The following KDM6B variants were observed in gnomAD, a reference collection of about 807,000 sequenced individuals.
KDM6B encodes lysine demethylase 6B.
KDM6B carries 22 observed loss-of-function variants against 150.4 expected under a neutral mutation model. That is an observed-to-expected ratio of 0.15 (90% CI 0.10 to 0.21). The LOEUF (loss-of-function observed/expected upper bound fraction) is 0.21. Among genes scored for constraint, KDM6B ranks in the 10% least tolerant of loss-of-function variants. The pLI is 1.00. For missense variants in KDM6B, 1,984 were observed against 2,234.3 expected, an observed-to-expected ratio of 0.89 and a Z score of 2.26; for synonymous variants, 1,148 against 921.1, an observed-to-expected ratio of 1.25 and a Z score of -4.46.
At chr17:7,842,116 C>T (rs1002223286) in intron 2 of KDM6B, among the ~76,000 whole-genome samples, 1 of 152,236 alleles carries the variant, frequency 6.6e-6, no homozygotes, top group Non-Finnish European at 1.5e-5. Context: ...TCTTACCACG[C>T]GTCCCGCGCG....
rs2078465050 is a variant in KDM6B, at chr17:7,843,684, G to T, written c.-268-1217G>T. 6.6e-6 allele frequency among the ~76,000 whole-genome samples: 1 copy of T among 151,890 alleles called. No individual in the cohort carries two copies. Among genetic ancestry groups the T allele is most frequent in the Non-Finnish European group, 1.5e-5 (1 of 67,928 alleles). ...GGCGCTCGCTCCAGCTGGAGCGCTG[G>T]CCCCGCCCCCGCGGCTTTGTACTCG... On this transcript the variant is annotated intron_variant, in intron 2 of 23. Coordinates refer to ENST00000448097, the MANE Select transcript of KDM6B (RefSeq NM_001348716.2). The surrounding 1 kb of genome is among the most constrained non-coding windows in gnomAD (Gnocchi z 4.5).
In KDM6B at chr17:7,848,435, A is replaced by G. The variant is rs2078611244; in HGVS notation, c.2147A>G (p.Glu716Gly). The G allele has an allele frequency of 3.7e-6, 6 of 1,612,784 alleles. No homozygotes were observed. Among genetic ancestry groups the G allele is most frequent in the Non-Finnish European group, 5.1e-6 (6 of 1,179,980 alleles). ...IRKEEEQQQH[E>G]AGVAPQPPLK... Reference sequence around the variant, plus strand: ...AAGGAAGAGGAACAGCAACAACACGAAGCAGGCGTGGCCCCCCAACCCCCG... The same window carrying G: ...AAGGAAGAGGAACAGCAACAACACGGAGCAGGCGTGGCCCCCCAACCCCCG... Residue 716 changes from glutamate (E) to glycine (G), a missense_variant, in exon 12 of 24, where the codon GAA (glutamate) becomes GGA (glycine). This residue lies in a region of KDM6B where 1,379 missense variants were observed against 1,275.6 expected (regional missense o/e 1.08). Transcript: ENST00000448097.
chr17:7,842,974 C>G (rs1195108454), intron 2 of KDM6B, among the ~76,000 whole-genome samples: 3 of 152,062 alleles, frequency 2.0e-5, no homozygotes, highest in Non-Finnish European at 4.4e-5. Flanking sequence ...GAAGTTTTGT[C>G]TTCAAGTGAG....
intron 1 of KDM6B, among the ~76,000 whole-genome samples, chr17:7,835,570 C>G (rs1183255601): frequency 6.6e-6 from 1 of 152,096 alleles, no homozygotes; most frequent in East Asian, 1.9e-4. Flanking sequence ...AGCCGGATTC[C>G]CGAACTCTCC....
intron 2 of KDM6B, among the ~76,000 whole-genome samples, chr17:7,840,905 G>A (rs192433987): frequency 4.9e-4 from 75 of 152,292 alleles, no homozygotes; most frequent in Non-Finnish European, 8.5e-4. Context: ...CATTGGGGAT[G>A]GTAACATGGG....
chr17:7,843,812 A>C lies in KDM6B; in HGVS notation c.-268-1089A>C, dbSNP rs935238924. ...CGGGGACGCCGGGTAGGCAAGGAGG[A>C]GGCGCGGGGACGCAGCTCCTGGGCT... On this transcript the variant is annotated intron_variant, in intron 2 of 23. Coordinates refer to ENST00000448097, the MANE Select transcript of KDM6B (RefSeq NM_001348716.2). This position sits in a 1 kb window ranked among gnomAD's most constrained non-coding sequence, Gnocchi z 4.5. Among the ~76,000 whole-genome samples the C allele has an allele frequency of 2.0e-5, 3 of 151,862 alleles. No individual in the cohort carries two copies. Among genetic ancestry groups the C allele is most frequent in the Non-Finnish European group, 4.4e-5 (3 of 67,974 alleles).
Position 7,847,118 on chromosome 17 carries a change from C to G in KDM6B, c.923C>G (p.Ser308Trp). 1.2e-6 allele frequency: 2 copies of G among 1,611,632 alleles called. No individual in the cohort carries two copies. Among genetic ancestry groups the G allele is most frequent in the Non-Finnish European group, 1.7e-6 (2 of 1,179,810 alleles). The part of the protein sequence containing the change: ...APPERQEQRH[S>W]LPHPYPYPAP... ...TATCTCCTATAGGAGCAGCGGCACT[C>G]GCTGCCTCACCCATATCCATACCCA... The change falls in exon 11 of 24, where the codon TCG becomes TGG. Residue 308 changes from serine to tryptophan, a missense_variant. Transcript: ENST00000448097.
Position 7,846,737 on chromosome 17 carries a change from A to C in KDM6B, c.708A>C (p.Glu236Asp). 6.2e-7 allele frequency: 1 copy of C among 1,614,040 alleles called. No homozygotes were observed. Among genetic ancestry groups the C allele is most frequent in the Non-Finnish European group, 8.5e-7 (1 of 1,179,966 alleles). ...AGCGAAGGAGAGGCTGCAACTCTGA[A>C]CAGGTGTGGGTATAGGGGGGCCAGC... The part of the protein sequence containing the change: ...GGKRRRGCNS[E>D]QTGLPPGLPL... Residue 236 changes from glutamate to aspartate, a missense_variant, in exon 9 of 24, where the codon GAA becomes GAC. By Grantham distance (45) the Glu-to-Asp change is conservative (BLOSUM62 2). This residue lies in a region of KDM6B where 337 missense variants were observed against 323.9 expected (regional missense o/e 1.04). Transcript: ENST00000448097.
chr17:7,853,370 C>T lies in KDM6B; in HGVS notation c.4898C>T (p.Ala1633Val). Residue 1633 changes from alanine (A) to valine (V), a missense_variant, in exon 23 of 24, where the codon GCC becomes GTC. Around this residue, in one of 13 missense-constraint regions of KDM6B, gnomAD observed 58 missense variants for 76.4 expected, o/e 0.76. Transcript: ENST00000448097. ...GAGGAGCTGGCTCAGGCCTACGACGCCTTCACGCTGGTGAGGGCCCGGCGG... is the reference window on the plus strand; with the variant it reads ...GAGGAGCTGGCTCAGGCCTACGACGTCTTCACGCTGGTGAGGGCCCGGCGG... The part of the protein sequence containing the change: ...RTEELAQAYD[A>V]FTLAPASTSR 1.3e-6 allele frequency: 2 copies of T among 1,552,142 alleles called. No homozygotes were observed. Among genetic ancestry groups the T allele is most frequent in the South Asian group, 1.2e-5 (1 of 85,090 alleles).
At position 7,849,753 on chromosome 17, in the gene KDM6B, T is replaced by G; in HGVS notation, c.3440+25T>G. On this transcript the variant is annotated intron_variant, in intron 12 of 23. Coordinates refer to ENST00000448097, the MANE Select transcript of KDM6B (RefSeq NM_001348716.2). Reference sequence around the variant, plus strand: ...GGTGAGTCGGCTGCCTGCTTGCTTGTCCCGGAGACAGGCTCCCTTCCCCCA... The same window carrying G: ...GGTGAGTCGGCTGCCTGCTTGCTTGGCCCGGAGACAGGCTCCCTTCCCCCA... 5 of 1,612,674 alleles carry G rather than the reference T, an allele frequency of 3.1e-6. No individual in the cohort carries two copies. The South Asian group carries it at 4.4e-5, about 14-fold the overall frequency.
In KDM6B at chr17:7,849,913, G is replaced by A. The variant is rs144775064; in HGVS notation, c.3533G>A (p.Arg1178Gln). 2.2e-5 allele frequency: 35 copies of A among 1,613,406 alleles called. No individual in the cohort carries two copies. Among genetic ancestry groups the A allele is most frequent in the African/African-American group, 8.0e-5 (6 of 74,902 alleles). ...ATCAACACTGAGGAGAAGCTGCCCC[G>A]GGAAAAACTCAACCCCCCTACACCC... Reference protein sequence around the residue: ...PKINTEEKLPREKLNPPTPSI... With the variant: ...PKINTEEKLPQEKLNPPTPSI... The change falls in exon 13 of 24, where the codon CGG becomes CAG. Residue 1178 changes from arginine to glutamine, a missense_variant. By Grantham distance (43) the Arg-to-Gln change is conservative (BLOSUM62 1). Transcript: ENST00000448097.
Position 7,851,363 on chromosome 17 carries a change from G to A in KDM6B, c.3913G>A (p.Glu1305Lys). Residue 1305 changes from glutamate to lysine, a missense_variant, in exon 16 of 24, where the codon GAG (glutamate) becomes AAG (lysine). Physicochemically the swap from Glu to Lys is moderately conservative, Grantham distance 56. This residue lies in a region of KDM6B where 41 missense variants were observed against 38.4 expected (regional missense o/e 1.07). Coordinates refer to ENST00000448097, the MANE Select transcript of KDM6B (RefSeq NM_001348716.2). ...EKESEDEESE[E>K]PDSTTGTPPS... ...GGAGAGTGAGGATGAGGAGTCAGAG[G>A]AGCCAGACAGCACCACTGGAACCCC... 1.2e-6 allele frequency: 2 copies of A among 1,614,160 alleles called. No individual in the cohort carries two copies. The highest frequency in any genetic ancestry group is 1.7e-6 in the Non-Finnish European group (2 of 1,180,022).
intron 15 of KDM6B, 43 bp downstream of exon 15, chr17:7,851,269 T>C: frequency 6.2e-7 from 1 of 1,613,496 alleles, no homozygotes; most frequent in South Asian, 1.1e-5. Flanking sequence ...GGGACGGGGC[T>C]GCGGTGGGAG....
Position 7,852,991 on chromosome 17 carries a change from G to A in KDM6B, c.4611-9G>A, listed in dbSNP as rs534448494. 1.6e-5 allele frequency: 26 copies of A among 1,613,674 alleles called. No individual in the cohort carries two copies. Among genetic ancestry groups the A allele is most frequent in the Admixed American group, 8.3e-5 (5 of 60,018 alleles). ...CCGGTGGTCTCAACACAACCCCACTGCTCCCCAGGTTCTGCCTGCTGCAGT... is the reference window on the plus strand; with the variant it reads ...CCGGTGGTCTCAACACAACCCCACTACTCCCCAGGTTCTGCCTGCTGCAGT... On this transcript the variant is annotated splice_polypyrimidine_tract_variant and intron_variant, in intron 21 of 23. Coordinates refer to ENST00000448097, the MANE Select transcript of KDM6B (RefSeq NM_001348716.2).
chr17:7,845,480 C>G (rs768323313), intron 4 of KDM6B, 24 bp downstream of exon 4: 1 of 1,590,642 alleles, frequency 6.3e-7, no homozygotes, highest in Admixed American at 1.7e-5. Context: ...TGGGGCCGAG[C>G]TGGCTGGATG....
At position 7,846,980 on chromosome 17, in the gene KDM6B, C is replaced by T. The variant is rs2078560988; in HGVS notation, c.873C>T (p.Gly291=). 1.9e-6 allele frequency: 3 copies of T among 1,613,298 alleles called. No individual in the cohort carries two copies. The highest frequency in any genetic ancestry group is 1.7e-6 in the Non-Finnish European group (2 of 1,179,926). Residue 291 remains glycine (G), a synonymous_variant, in exon 10 of 24, where the codon GGC becomes GGT. Transcript: ENST00000448097. The part of the protein sequence containing the change: ...LWSTLHGDAW[G]PERKGSAPPE... ...GTACCCTGCATGGAGATGCCTGGGG[C>T]CCAGAGCGCAAGGGTTCAGCACCCC...
Position 7,851,708 on chromosome 17 carries a change from G to T in KDM6B, c.4077G>T (p.Thr1359=). ...CCGCCTTCATGCGGGTAACATCCAC[G>T]GGCAACATGCTGAGCCACGTGGGCC... ...KLPAFMRVTS[T]GNMLSHVGHT... Residue 1359 remains threonine, a synonymous_variant, in exon 18 of 24, where the codon ACG becomes ACT. Coordinates refer to ENST00000448097, the MANE Select transcript of KDM6B (RefSeq NM_001348716.2). 1.3e-6 allele frequency: 2 copies of T among 1,564,636 alleles called. No individual in the cohort carries two copies. The highest frequency in any genetic ancestry group is 1.7e-6 in the Non-Finnish European group (2 of 1,155,182).
Position 7,845,032 on chromosome 17 carries a change from CTG to C in KDM6B, c.-149+13_-149+14del. 1.6e-5 allele frequency: 3 copies of C among 188,564 alleles called. No homozygotes were observed. Among genetic ancestry groups the C allele is most frequent in the South Asian group, 8.9e-5 (1 of 11,256 alleles). The allele number at this position is 188,564 out of a possible 1,614,324, so 11.7% of individuals were successfully genotyped here. ...CCCACGGAGGCCGGGTAAGCGGCCG[CTG>C]CGTTTTGGGTCGGCCCAGTGGCTCC... On this transcript the variant is annotated intron_variant, in intron 3 of 23. Coordinates refer to ENST00000448097, the MANE Select transcript of KDM6B (RefSeq NM_001348716.2).
intron 2 of KDM6B, among the ~76,000 whole-genome samples, chr17:7,841,348 T>G (rs1050200104): frequency 4.6e-5 from 7 of 152,210 alleles, no homozygotes; most frequent in African/African-American, 1.7e-4. Flanking sequence ...GAATGATCAC[T>G]GATCCAGCGA....
Sources: allele counts gnomAD v4.1 joint callset (sites outside exome capture counted in the v4.1 genomes callset), GRCh38; gene constraint gnomAD v4.1.1; regional missense constraint gnomAD v4.1.1; non-coding constraint Gnocchi (gnomAD v3.1); transcripts MANE v1.5; gene names NCBI Gene and HGNC (gene_info 2026-07-23, HGNC 2026-07-21).